Variants in GRAMD1C observed in about 807,000 individuals in gnomAD.
GRAMD1C encodes the protein GRAM domain containing 1C.
A neutral mutation model predicts 97.8 loss-of-function variants in GRAMD1C; 89 were observed. That is an observed-to-expected ratio of 0.91 (90% confidence interval 0.77 to 1.09). GRAMD1C has a LOEUF of 1.09. Among genes scored for constraint, GRAMD1C ranks in the 50% least tolerant of loss-of-function variants. GRAMD1C has a pLI of 0.00. For synonymous variants in GRAMD1C, 256 were observed against 267.0 expected (o/e 0.96, Z 0.40); for missense variants, 740 against 766.4 (o/e 0.97, Z 0.41).
At chr3:113,891,800 T>A (rs1411395718) in intron 6 of GRAMD1C, among the ~76,000 whole-genome samples, 1 of 151,754 alleles carries the variant, frequency 6.6e-6, no homozygotes, top group African/African-American at 2.4e-5. Context: ...GGTAGGAGGA[T>A]CACTTGAGCC....
intron 6 of GRAMD1C, among the ~76,000 whole-genome samples, chr3:113,891,234 A>G (rs1485683076): frequency 1.3e-5 from 2 of 152,192 alleles, no homozygotes; most frequent in African/African-American, 4.8e-5. Flanking sequence ...TGAAGATGAG[A>G]TCTCAGTTTC....
chr3:113,834,958 A>T (rs1464926951), upstream of GRAMD1C, among the ~76,000 whole-genome samples: 1 of 141,944 alleles, frequency 7.0e-6, no homozygotes, highest in Non-Finnish European at 1.5e-5. Context: ...AAAAAAAAAG[A>T]CACTGATATT....
upstream of GRAMD1C, among the ~76,000 whole-genome samples, chr3:113,837,829 G>A (rs1161726606): frequency 6.6e-6 from 1 of 152,218 alleles, no homozygotes; most frequent in African/African-American, 2.4e-5. Context: ...GATTGGTTGA[G>A]TCCGGGAGGT....
rs984323478 is a variant in GRAMD1C, at chr3:113,937,993, G to C, written c.1634-93G>C. ...GCACTCCAGCCTGGGCAACAAGAGC[G>C]AAACTCCTTCTCAAAAAAAAAAAAA... On this transcript the variant is annotated intron_variant, in intron 14 of 17. Coordinates refer to ENST00000358160, the MANE Select transcript of GRAMD1C (RefSeq NM_017577.5). 3 of 585,596 alleles carry C rather than the reference G, an allele frequency of 5.1e-6. No individual in the cohort carries two copies. The East Asian group carries it at 1.1e-4, about 21-fold the overall frequency. The allele number at this position is 585,596 out of a possible 1,614,324, so 36.3% of individuals were successfully genotyped here.
At chr3:113,935,876 T>G (rs1042657592) in intron 13 of GRAMD1C, among the ~76,000 whole-genome samples, 2 of 152,230 alleles carry the variant, frequency 1.3e-5, no homozygotes, top group Non-Finnish European at 2.9e-5. Flanking sequence ...TGTTGAAAAT[T>G]AGAACTAGTA....
At chr3:113,940,485 T>C in intron 17 of GRAMD1C, 140 bp downstream of exon 17, 2 of 588,606 alleles carry the variant, frequency 3.4e-6, no homozygotes. Context: ...TGCCAGTCTC[T>C]AGTATGCAAG....
chr3:113,865,832 T>G (rs1275739210), intron 2 of GRAMD1C, among the ~76,000 whole-genome samples: 1 of 152,204 alleles, frequency 6.6e-6, no homozygotes, highest in Admixed American at 6.5e-5. Flanking sequence ...CATATACAGC[T>G]GTCAAGCAAT....
At chr3:113,912,788 A>T (rs1936651296) in intron 9 of GRAMD1C, among the ~76,000 whole-genome samples, 1 of 152,150 alleles carries the variant, frequency 6.6e-6, no homozygotes, top group Admixed American at 6.6e-5. Context: ...TTGAGGATAG[A>T]TGTTATAGAC....
intron 2 of GRAMD1C, among the ~76,000 whole-genome samples, chr3:113,865,069 C>T (rs948588266): frequency 6.6e-6 from 1 of 152,132 alleles, no homozygotes; most frequent in Non-Finnish European, 1.5e-5. Flanking sequence ...CTCATCCGGC[C>T]AGGGTCTCAT....
chr3:113,932,213 T>C (rs1465547366), intron 11 of GRAMD1C, among the ~76,000 whole-genome samples: 2 of 152,238 alleles, frequency 1.3e-5, no homozygotes, highest in African/African-American at 4.8e-5. Flanking sequence ...GTTGTGCTTA[T>C]AAGAGCAAAC....
At chr3:113,944,402 G>C (rs944132716) in intron 17 of GRAMD1C, among the ~76,000 whole-genome samples, 3 of 152,198 alleles carry the variant, frequency 2.0e-5, no homozygotes, top group African/African-American at 7.2e-5. Context: ...TGTTCAGATA[G>C]CAGCAACTCC....
chr3:113,844,846 G>A (rs1933541596), intron 2 of GRAMD1C, 197 bp downstream of exon 2: 3 of 460,108 alleles, frequency 6.5e-6, no homozygotes, highest in Non-Finnish European at 1.1e-5. Context: ...CTGGTTCGAT[G>A]AAATGGAATT....
intron 2 of GRAMD1C, among the ~76,000 whole-genome samples, chr3:113,853,599 T>C (rs1933997777): frequency 6.6e-6 from 1 of 152,214 alleles, no homozygotes; most frequent in Non-Finnish European, 1.5e-5. Flanking sequence ...GGAATGGTCT[T>C]ATTTATTCAT....
At chr3:113,870,266 G>C (rs1310959755) in intron 3 of GRAMD1C, among the ~76,000 whole-genome samples, 3 of 152,024 alleles carry the variant, frequency 2.0e-5, no homozygotes, top group African/African-American at 7.2e-5. Flanking sequence ...AAGAGGCTGA[G>C]ATGAGAGAAT....
chr3:113,874,400 G>C lies in GRAMD1C; in HGVS notation c.260-1084G>C, dbSNP rs112954287. 4.3e-3 allele frequency among the ~76,000 whole-genome samples: 652 copies of C among 151,960 alleles called. 2 individuals carry two copies. The highest frequency in any genetic ancestry group is 0.014 in the Middle Eastern group (4 of 292). Reference sequence around the variant, plus strand: ...TGGAGACAGAGTCTCGCTCCCTGGAGTGGAGTGGCACGATCTTGGCTCAGT... The same window carrying C: ...TGGAGACAGAGTCTCGCTCCCTGGACTGGAGTGGCACGATCTTGGCTCAGT... On this transcript the variant is annotated intron_variant, in intron 3 of 17. Coordinates refer to ENST00000358160, the MANE Select transcript of GRAMD1C (RefSeq NM_017577.5).
Position 113,915,819 on chromosome 3 carries a change from C to T in GRAMD1C, c.1071C>T (p.Ala357=). 1 of 1,610,856 alleles carries T rather than the reference C, an allele frequency of 6.2e-7. No homozygotes were observed. The highest frequency in any genetic ancestry group is 8.5e-7 in the Non-Finnish European group (1 of 1,177,466). Residue 357 remains alanine, a synonymous_variant, in exon 10 of 18, where the codon GCC becomes GCT. Coordinates refer to ENST00000358160, the MANE Select transcript of GRAMD1C (RefSeq NM_017577.5). Reference sequence around the variant, plus strand: ...GTTCACGCTTTATGCAGAAATTTGCCAGTTCTAGAAATATAATAGGTTAGT... The same window carrying T: ...GTTCACGCTTTATGCAGAAATTTGCTAGTTCTAGAAATATAATAGGTTAGT... ...FTSSRFMQKF[A]SSRNIIDVVS...
At chr3:113,828,655 A>G (rs868294100) in intron 1 of GRAMD1C, among the ~76,000 whole-genome samples, 67 of 152,242 alleles carry the variant, frequency 4.4e-4, no homozygotes, top group African/African-American at 1.5e-3. Flanking sequence ...CTATAAACTC[A>G]CAATCCATGT....
At chr3:113,849,867 G>A (rs1396713717) in intron 2 of GRAMD1C, among the ~76,000 whole-genome samples, 20 of 151,936 alleles carry the variant, frequency 1.3e-4, no homozygotes, top group Admixed American at 1.1e-3. Context: ...CAGTAGGGGC[G>A]GCCGGGCAGA....
intron 2 of GRAMD1C, among the ~76,000 whole-genome samples, chr3:113,866,260 G>A (rs1934581620): frequency 6.6e-6 from 1 of 152,090 alleles, no homozygotes; most frequent in Non-Finnish European, 1.5e-5. Flanking sequence ...TGTTGTTTAT[G>A]CATTTATGAT....
Sources: gnomAD v4.1 joint callset for allele counts (sites outside exome capture counted in the v4.1 genomes callset) on GRCh38, gnomAD v4.1.1 for gene constraint, MANE v1.5 for transcripts, NCBI Gene and HGNC (gene_info 2026-07-23, HGNC 2026-07-21) for gene names.